Variants in TENT2 observed in about 807,000 individuals in gnomAD.
TENT2 encodes the protein terminal nucleotidyltransferase 2, also known as poly(A) RNA polymerase GLD2.
In TENT2, 44 loss-of-function variants were observed where a neutral mutation model predicts 72.2. The ratio of observed to expected loss-of-function variants is 0.61; its 90% CI spans 0.48 to 0.78. The LOEUF (loss-of-function observed/expected upper bound fraction) is 0.78, where lower values mean the gene tolerates loss of function less well. Ranked by LOEUF, TENT2 falls within the 30% of genes least tolerant of loss-of-function variation. The pLI, the probability that TENT2 is intolerant of heterozygous loss-of-function variation, is 0.00. For missense variants in TENT2, 541 were observed against 569.6 expected (o/e 0.95, Z 0.51); for synonymous variants, 212 against 192.5 (o/e 1.10, Z -0.84).
chr5:79,658,719 A>G (rs1799737057), intron 11 of TENT2, among the ~76,000 whole-genome samples: 1 of 152,200 alleles, frequency 6.6e-6, no homozygotes, highest in Non-Finnish European at 1.5e-5. Flanking sequence ...TTAAAACCCT[A>G]TGCTACATGA....
chr5:79,678,569 G>A (rs749052287), intron 12 of TENT2, among the ~76,000 whole-genome samples: 1 of 151,994 alleles, frequency 6.6e-6, no homozygotes, highest in Non-Finnish European at 1.5e-5. Context: ...AAAATGTAAA[G>A]TTAGTATGTA....
At position 79,644,213 on chromosome 5, in the gene TENT2, C is replaced by A. The variant is rs113955369; in HGVS notation, c.752-910C>A. Among the ~76,000 whole-genome samples the A allele has an allele frequency of 9.5e-3, 1,438 of 152,136 alleles. 28 individuals are homozygous for A. The highest frequency in any genetic ancestry group is 0.033 in the African/African-American group (1,365 of 41,500). On this transcript the variant is annotated intron_variant, in intron 7 of 14. Transcript: ENST00000453514. The stretch of plus-strand genomic sequence containing the variant: ...GCCAGGCTGGTCTTGAACTCCTGGC[C>A]TCAAGTGATACATCCACCTTGGCCT...
intron 4 of TENT2, among the ~76,000 whole-genome samples, chr5:79,628,805 G>T (rs1006122188): frequency 1.3e-5 from 2 of 152,156 alleles, no homozygotes; most frequent in Non-Finnish European, 2.9e-5. Flanking sequence ...AATAGGGTTG[G>T]AACAGACTAC....
intron 1 of TENT2, among the ~76,000 whole-genome samples, chr5:79,617,285 A>G (rs1761028088): frequency 6.6e-6 from 1 of 151,524 alleles, no homozygotes; most frequent in Non-Finnish European, 1.5e-5. Context: ...ATATATAAAT[A>G]ATATATAATA....
At chr5:79,619,954 A>C (rs1763426329) in intron 2 of TENT2, 40 bp from the exon 3 acceptor site, 1 of 1,493,226 alleles carries the variant, frequency 6.7e-7, no homozygotes, top group African/African-American at 1.4e-5. Flanking sequence ...TTAAAGAAAA[A>C]ATATGTATAA....
chr5:79,652,994 A>G lies in TENT2; in HGVS notation c.1027+3804A>G, dbSNP rs991881458. ...AATATAAAAAATATGTGGCACCACC[A>G]TTCCCTATTTATATTTTAGTTGTGA... On this transcript the variant is annotated intron_variant, in intron 10 of 14. Transcript: ENST00000453514. Among the ~76,000 whole-genome samples the G allele has an allele frequency of 5.3e-5, 8 of 152,178 alleles. No homozygotes were observed. The South Asian group carries it at 8.3e-4, about 16-fold the overall frequency.
At position 79,634,199 on chromosome 5, in the gene TENT2, A is replaced by G. The variant is rs547299214; in HGVS notation, c.466-6652A>G. Among the ~76,000 whole-genome samples the G allele has an allele frequency of 1.1e-3, 166 of 151,530 alleles. 1 individual carries two copies. Among genetic ancestry groups the G allele is most frequent in the African/African-American group, 3.9e-3 (161 of 41,364 alleles). On this transcript the variant is annotated intron_variant, in intron 4 of 14. Coordinates refer to ENST00000453514, the MANE Select transcript of TENT2 (RefSeq NM_001114394.3). ...CTTTCTGAATCCCAGCCAGCACTTCACGTGTCCTTATGGCTTGTGTTGACT... is the reference window on the plus strand; with the variant it reads ...CTTTCTGAATCCCAGCCAGCACTTCGCGTGTCCTTATGGCTTGTGTTGACT...
intron 1 of TENT2, among the ~76,000 whole-genome samples, chr5:79,617,871 C>A (rs1181133785): frequency 6.6e-6 from 1 of 152,012 alleles, no homozygotes; most frequent in East Asian, 1.9e-4. Context: ...TTATAAACTT[C>A]CTTTTTTTGT....
At position 79,641,163 on chromosome 5, in the gene TENT2, T is replaced by C; in HGVS notation, c.639T>C (p.Asp213=). ...SLNGFGTRSS[D]GDLCLVVKEE... Reference sequence around the variant, plus strand: ...ATGGATTTGGTACCCGGAGCAGTGATGGTGATTTATGCCTAGTTGTTAAGG... The same window carrying C: ...ATGGATTTGGTACCCGGAGCAGTGACGGTGATTTATGCCTAGTTGTTAAGG... The change falls in exon 6 of 15, where the codon GAT becomes GAC. Residue 213 remains aspartate, a synonymous_variant. Transcript: ENST00000453514. 6.3e-7 allele frequency: 1 copy of C among 1,579,596 alleles called. No homozygotes were observed. Among genetic ancestry groups the C allele is most frequent in the Non-Finnish European group, 8.5e-7 (1 of 1,170,350 alleles).
At chr5:79,645,090 T>C (rs768248033) in intron 7 of TENT2, 33 bp from the exon 8 acceptor site, 11 of 1,545,656 alleles carry the variant, frequency 7.1e-6, no homozygotes, top group Non-Finnish European at 9.6e-6. Flanking sequence ...CTAGAAACAT[T>C]TGCAGCTATT....
At chr5:79,670,952 T>A (rs1812553782) in intron 12 of TENT2, among the ~76,000 whole-genome samples, 2 of 151,844 alleles carry the variant, frequency 1.3e-5, no homozygotes, top group African/African-American at 4.8e-5. Flanking sequence ...ATTGTTAGAC[T>A]GTATTGACAT....
At chr5:79,658,741 CTAA>C in intron 11 of TENT2, among the ~76,000 whole-genome samples, 1 of 152,292 alleles carries the variant, frequency 6.6e-6, no homozygotes, top group Middle Eastern at 3.4e-3. Flanking sequence ...GCTCTTTTTA[CTAA>C]TATAGGAGAC....
In TENT2 at chr5:79,618,597, T is replaced by C. The variant is rs183512055; in HGVS notation, c.-37-1015T>C. ...CAATGTCTTTTCATTAATCTGAGTTTTTTTTTTGAGTGTTCATTTGTTCCT... is the reference window on the plus strand; with the variant it reads ...CAATGTCTTTTCATTAATCTGAGTTCTTTTTTTGAGTGTTCATTTGTTCCT... On this transcript the variant is annotated intron_variant, in intron 1 of 14. Coordinates refer to ENST00000453514, the MANE Select transcript of TENT2 (RefSeq NM_001114394.3). Among the ~76,000 whole-genome samples the C allele has an allele frequency of 5.8e-3, 882 of 152,180 alleles. 4 individuals carry two copies. The highest frequency in any genetic ancestry group is 7.1e-3 in the Non-Finnish European group (480 of 68,004).
At chr5:79,639,140 G>A (rs774599886) in intron 4 of TENT2, among the ~76,000 whole-genome samples, 1 of 151,830 alleles carries the variant, frequency 6.6e-6, no homozygotes, top group South Asian at 2.1e-4. Flanking sequence ...GGAAAAGGAC[G>A]CCTTTTTTTT....
At chr5:79,639,498 C>T (rs1335469551) in intron 4 of TENT2, among the ~76,000 whole-genome samples, 1 of 148,992 alleles carries the variant, frequency 6.7e-6, no homozygotes. Context: ...TTATATTGAC[C>T]TAAGATTAGG....
chr5:79,675,241 G>A (rs1313769220), intron 12 of TENT2, among the ~76,000 whole-genome samples: 2 of 152,090 alleles, frequency 1.3e-5, no homozygotes, highest in Non-Finnish European at 2.9e-5. Flanking sequence ...AAGAATGGTT[G>A]GAATCTAGAG....
At chr5:79,639,488 T>TA (rs1782741941) in intron 4 of TENT2, among the ~76,000 whole-genome samples, 1 of 151,984 alleles carries the variant, frequency 6.6e-6, no homozygotes, top group African/African-American at 2.4e-5. Context: ...TTTTTTTTTT[T>TA]TATATTGACC....
At chr5:79,658,438 A>G (rs1799506593) in intron 11 of TENT2, among the ~76,000 whole-genome samples, 1 of 149,430 alleles carries the variant, frequency 6.7e-6, no homozygotes, top group South Asian at 2.1e-4. Flanking sequence ...CGAGCCTTCT[A>G]CCTTGGCCTC....
At chr5:79,636,096 A>C (rs370365273) in intron 4 of TENT2, among the ~76,000 whole-genome samples, 1 of 170 alleles carries the variant, frequency 5.9e-3, no homozygotes, top group African/African-American at 0.024. Flanking sequence ...TAGTTCGCCA[A>C]CCCTGCTCTA....
Sources: allele counts gnomAD v4.1 joint callset (sites outside exome capture counted in the v4.1 genomes callset), GRCh38; gene constraint gnomAD v4.1.1; transcripts MANE v1.5; gene names NCBI Gene and HGNC (gene_info 2026-07-23, HGNC 2026-07-21).